The following ABCB7 variants were observed in gnomAD, a reference collection of about 807,000 sequenced individuals.
ABCB7 encodes the protein iron-sulfur clusters transporter ABCB7, mitochondrial.
A neutral mutation model predicts 54.4 loss-of-function variants in ABCB7; 7 were observed. That is an observed-to-expected ratio of 0.13 (90% confidence interval 0.07 to 0.24). The LOEUF (loss-of-function observed/expected upper bound fraction) is 0.24. Ranked by LOEUF, ABCB7 falls within the 10% of genes least tolerant of loss-of-function variation. The probability of loss-of-function intolerance (pLI) is 1.00; values close to 1 mark genes in which losing one functional copy is unlikely to be tolerated. For synonymous variants in ABCB7, 218 were observed against 207.1 expected (o/e 1.05, Z -0.45); for missense variants, 356 against 570.4 (o/e 0.62, Z 3.83).
In ABCB7 at chrX:75,114,825, C is replaced by G; in HGVS notation, c.175G>C (p.Glu59Gln). 1 of 1,195,060 alleles carries G rather than the reference C, an allele frequency of 8.4e-7. No homozygotes were observed. The highest frequency in any genetic ancestry group is 1.7e-5 in the African/African-American group (1 of 57,291). ...TGCCATGTGATACTTTTTAATGACT[C>G]TGGAATCTGCTGACAAGGAAAAAAA... ...LGTARAYQIP[E>Q]SLKSITWQRL... is the part of the protein sequence containing the mutation. The change falls in exon 2 of 16, where the codon GAG (glutamate) becomes CAG (glutamine). Residue 59 changes from glutamate (E) to glutamine (Q), a missense_variant. By Grantham distance (29) the Glu-to-Gln change is conservative (BLOSUM62 2). Around this residue, in one of 2 missense-constraint regions of ABCB7, gnomAD observed 115 missense variants for 99.5 expected, o/e 1.16. Transcript: ENST00000373394.
intron 15 of ABCB7, among the ~76,000 whole-genome samples, chrX:75,053,937 T>G (rs916685996): frequency 3.6e-5 from 4 of 112,231 alleles, no homozygotes; most frequent in Non-Finnish European, 7.5e-5. Context: ...AATATTCAAA[T>G]CAAAAGCACT....
intron 1 of ABCB7, among the ~76,000 whole-genome samples, chrX:75,151,486 A>C (rs1479775322): frequency 9.0e-6 from 1 of 111,477 alleles, no homozygotes; most frequent in African/African-American, 3.3e-5. Flanking sequence ...ATTAAATTAC[A>C]TTTTTCTATT....
chrX:75,100,997 A>C (rs2081634680), intron 3 of ABCB7, among the ~76,000 whole-genome samples: 1 of 111,740 alleles, frequency 8.9e-6, no homozygotes, highest in Non-Finnish European at 1.9e-5. Flanking sequence ...ATATGTATGT[A>C]GTGACAGAGG....
At chrX:75,119,379 C>G (rs1457421940) in intron 1 of ABCB7, among the ~76,000 whole-genome samples, 1 of 112,161 alleles carries the variant, frequency 8.9e-6, no homozygotes, top group Non-Finnish European at 1.9e-5. Context: ...GTGTGACATA[C>G]TGGCTAAAGT....
At chrX:75,079,268 T>A (rs2081436082) in intron 4 of ABCB7, among the ~76,000 whole-genome samples, 1 of 111,616 alleles carries the variant, frequency 9.0e-6, no homozygotes, top group African/African-American at 3.3e-5. Context: ...CCCATAAAAA[T>A]TATTTTAAAA....
intron 15 of ABCB7, among the ~76,000 whole-genome samples, chrX:75,053,943 G>A (rs1314145560): frequency 9.0e-6 from 1 of 111,583 alleles, no homozygotes; most frequent in Admixed American, 9.5e-5. Flanking sequence ...CAAATCAAAA[G>A]CACTGTTATT....
At chrX:75,086,360 A>G (rs1481738759) in intron 4 of ABCB7, among the ~76,000 whole-genome samples, 1 of 111,847 alleles carries the variant, frequency 8.9e-6, no homozygotes, top group African/African-American at 3.3e-5. Context: ...AAAGTATGCT[A>G]TATCTACATG....
intron 1 of ABCB7, among the ~76,000 whole-genome samples, chrX:75,140,781 C>T (rs923867562): frequency 9.0e-6 from 1 of 110,890 alleles, no homozygotes; most frequent in Admixed American, 9.6e-5. Context: ...CTGATATGCT[C>T]TTTAATTTAA....
In ABCB7 at chrX:75,155,885, G is replaced by T. The variant is rs2298119; in HGVS notation, c.168+220C>A. ...GCCTCCAGCGCTCCAGGTGTCCTCTGCCCAGAACCTCCTGCCCCGTTTCCC... is the reference window on the plus strand; with the variant it reads ...GCCTCCAGCGCTCCAGGTGTCCTCTTCCCAGAACCTCCTGCCCCGTTTCCC... On this transcript the variant is annotated intron_variant, in intron 1 of 15. Coordinates refer to ENST00000373394, the MANE Select transcript of ABCB7 (RefSeq NM_001271696.3). 0.012 allele frequency among the ~76,000 whole-genome samples: 1,295 copies of T among 110,985 alleles called. 87 individuals carry two copies. The East Asian group carries it at 0.27, about 23-fold the overall frequency.
At chrX:75,093,328 A>G (rs991364698) in intron 4 of ABCB7, among the ~76,000 whole-genome samples, 3 of 111,820 alleles carry the variant, frequency 2.7e-5, no homozygotes, top group African/African-American at 9.7e-5. Flanking sequence ...AAAAAGCTAC[A>G]TACCATATGG....
At chrX:75,085,693 A>C (rs1403566382) in intron 4 of ABCB7, among the ~76,000 whole-genome samples, 1 of 111,367 alleles carries the variant, frequency 9.0e-6, no homozygotes, top group Non-Finnish European at 1.9e-5. Flanking sequence ...AGTGTATTTC[A>C]ATAAAAATCA....
At chrX:75,057,176 C>A (rs1190722056) in intron 15 of ABCB7, among the ~76,000 whole-genome samples, 1 of 111,550 alleles carries the variant, frequency 9.0e-6, no homozygotes, top group East Asian at 2.8e-4. Flanking sequence ...CTCTTCTAAC[C>A]CTTTGTACCC....
Position 75,065,161 on chromosome X carries a change from T to C in ABCB7, c.1740A>G (p.Ala580=), listed in dbSNP as rs1340990. The C allele has an allele frequency of 0.021, 25,224 of 1,207,216 alleles. 3,329 individuals carry two copies. In the African/African-American group the frequency reaches 0.39, roughly 19 times the overall value. The change falls in exon 13 of 16, where the codon GCA becomes GCG. Residue 580 remains alanine, a synonymous_variant. Coordinates refer to ENST00000373394, the MANE Select transcript of ABCB7 (RefSeq NM_001271696.3). ...CATGAAGTCCAGCTAATTTTGCCACTGCATACACTTCCTCAGGTGAAGCAC... is the reference window on the plus strand; with the variant it reads ...CATGAAGTCCAGCTAATTTTGCCACCGCATACACTTCCTCAGGTGAAGCAC... ...NISASPEEVY[A]VAKLAGLHDA... is the part of the protein sequence containing the mutation.
chrX:75,136,309 A>G (rs1164907108), intron 1 of ABCB7, among the ~76,000 whole-genome samples: 1 of 111,260 alleles, frequency 9.0e-6, no homozygotes, highest in East Asian at 2.8e-4. Flanking sequence ...AGGTCTCTAC[A>G]ATGAGGATTT....
At chrX:75,139,917 A>T (rs2082042008) in intron 1 of ABCB7, among the ~76,000 whole-genome samples, 1 of 112,064 alleles carries the variant, frequency 8.9e-6, no homozygotes, top group South Asian at 3.7e-4. Flanking sequence ...TTAGACTGTC[A>T]CAATATCAAC....
chrX:75,091,366 GA>G (rs1002631716), intron 4 of ABCB7, among the ~76,000 whole-genome samples: 5 of 110,100 alleles, frequency 4.5e-5, no homozygotes, highest in East Asian at 2.8e-4. Context: ...GATGGCAGAT[GA>G]AAAAAAATCA....
rs746358725 is a variant in ABCB7 at position 75,114,820 on chromosome X, T to C, written c.180A>G (p.Ser60=). ...ATCTCTGCCATGTGATACTTTTTAA[T>C]GACTCTGGAATCTGCTGACAAGGAA... ...GTARAYQIPE[S]LKSITWQRLG... is the part of the protein sequence containing the mutation. The change falls in exon 2 of 16, where the codon TCA becomes TCG. Residue 60 remains serine (S), a synonymous_variant. Transcript: ENST00000373394. 5.8e-6 allele frequency: 7 copies of C among 1,198,967 alleles called. No homozygotes were observed. Among genetic ancestry groups the C allele is most frequent in the Non-Finnish European group, 7.9e-6 (7 of 886,872 alleles).
chrX:75,144,255 G>A (rs1467990315), intron 1 of ABCB7, among the ~76,000 whole-genome samples: 1 of 111,877 alleles, frequency 8.9e-6, no homozygotes, highest in Non-Finnish European at 1.9e-5. Context: ...TTTCTAGAAT[G>A]GCCATGTACA....
Position 75,075,545 on chromosome X carries a change from T to C in ABCB7, c.672A>G (p.Arg224=), listed in dbSNP as rs190892114. 1 of 1,209,366 alleles carries C rather than the reference T, an allele frequency of 8.3e-7. No individual in the cohort carries two copies. Among genetic ancestry groups the C allele is most frequent in the East Asian group, 3.0e-5 (1 of 33,717 alleles). ...GATGGAGAAAGACATTTTTGGCTAT[T>C]CTTCGGATTGAATTCTGGGCTACCT... is the stretch of plus-strand genomic sequence containing the variant. ...FGKVAQNSIR[R]IAKNVFLHLH... is the part of the protein sequence containing the mutation. Residue 224 remains arginine, a synonymous_variant, in exon 6 of 16, where the codon AGA becomes AGG. Coordinates refer to ENST00000373394, the MANE Select transcript of ABCB7 (RefSeq NM_001271696.3).
Sources: allele counts gnomAD v4.1 joint callset (sites outside exome capture counted in the v4.1 genomes callset), GRCh38; gene constraint gnomAD v4.1.1; regional missense constraint gnomAD v4.1.1; transcripts MANE v1.5; gene names NCBI Gene and HGNC (gene_info 2026-07-23, HGNC 2026-07-21).